Variants in IKZF3 observed in about 807,000 individuals in gnomAD.
IKZF3 encodes the protein zinc finger protein Aiolos.
A neutral mutation model predicts 49.0 loss-of-function variants in IKZF3; 10 were observed. The observed-to-expected ratio is 0.20, with a 90% CI of 0.13 to 0.35. The LOEUF (loss-of-function observed/expected upper bound fraction) is 0.35. IKZF3 is among the 10% of genes least tolerant of loss of function. The probability of loss-of-function intolerance (pLI) is 1.00; values close to 1 mark genes in which losing one functional copy is unlikely to be tolerated. For synonymous variants in IKZF3, 209 were observed against 228.2 expected (o/e 0.92, Z 0.76); for missense variants, 498 against 664.8 (o/e 0.75, Z 2.76).
intron 7 of IKZF3, among the ~76,000 whole-genome samples, chr17:39,774,726 GATGA>G (rs2060535594): frequency 6.6e-6 from 1 of 152,174 alleles, no homozygotes; most frequent in South Asian, 2.1e-4. Context: ...CCTTCTGTAT[GATGA>G]ATGAATGGAC....
At chr17:39,803,315 G>A (rs2061363306) in intron 3 of IKZF3, among the ~76,000 whole-genome samples, 1 of 151,926 alleles carries the variant, frequency 6.6e-6, no homozygotes, top group African/African-American at 2.4e-5. Flanking sequence ...AAACTCTTTT[G>A]TATTTATATT....
In IKZF3 at chr17:39,864,111, G is replaced by A. The variant is rs199528692; in HGVS notation, c.7+9C>T. On this transcript the variant is annotated intron_variant, in intron 1 of 7. Transcript: ENST00000346872. ...GACCCCGGAGAAAAGAAGCGGGCTG[G>A]AGGCTCACCTTCCATGTCGCTGCCG... The A allele has an allele frequency of 6.2e-7, 1 of 1,612,952 alleles. No homozygotes were observed.
rs1192020499 is a variant in IKZF3, at chr17:39,763,756, A to T, written c.*2034T>A. On this transcript the variant is annotated 3_prime_UTR_variant, in exon 8 of 8. Coordinates refer to ENST00000346872, the MANE Select transcript of IKZF3 (RefSeq NM_012481.5). ...TACCTTGTGGTTACTGCATAATCAC[A>T]TATGAATTAAAGCTAGAAGGGACCT... The T allele has an allele frequency of 6.6e-6, 1 of 152,256 alleles. No homozygotes were observed. The highest frequency in any genetic ancestry group is 1.5e-5 in the Non-Finnish European group (1 of 68,050). 9.4% of individuals were successfully genotyped at this position (152,256 alleles called of 1,614,324 possible).
chr17:39,861,866 T>C (rs1247890658), intron 1 of IKZF3, among the ~76,000 whole-genome samples: 1 of 152,198 alleles, frequency 6.6e-6, no homozygotes, highest in Non-Finnish European at 1.5e-5. Context: ...AACTTATCTC[T>C]TATGTACCTT....
At chr17:39,836,500 C>A (rs568143516) in intron 1 of IKZF3, among the ~76,000 whole-genome samples, 1 of 152,304 alleles carries the variant, frequency 6.6e-6, no homozygotes, top group South Asian at 2.1e-4. Flanking sequence ...AGGTATTCTG[C>A]AGTTCTCAAG....
At chr17:39,778,131 A>G (rs780472610) in intron 6 of IKZF3, 51 of 998,978 alleles carry the variant, frequency 5.1e-5, no homozygotes, top group Non-Finnish European at 6.0e-5. Flanking sequence ...ACTGCGTGTG[A>G]CACCTGCAGA....
chr17:39,826,384 G>A (rs1007883892), intron 3 of IKZF3, among the ~76,000 whole-genome samples: 1 of 152,162 alleles, frequency 6.6e-6, no homozygotes, highest in Non-Finnish European at 1.5e-5. Flanking sequence ...ATCCTGTTTG[G>A]AACACCACAA....
chr17:39,784,694 G>A (rs1013978324), intron 6 of IKZF3, among the ~76,000 whole-genome samples: 3 of 152,290 alleles, frequency 2.0e-5, no homozygotes, highest in African/African-American at 4.8e-5. Flanking sequence ...GACCCACCGC[G>A]CCCGGCCAGG....
chr17:39,828,941 C>T (rs1036957255), intron 3 of IKZF3, among the ~76,000 whole-genome samples: 1 of 151,994 alleles, frequency 6.6e-6, no homozygotes, highest in Non-Finnish European at 1.5e-5. Flanking sequence ...GCGGAGGTTG[C>T]AGTGAGCCGA....
At chr17:39,850,700 T>TATAG (rs2062825365) in intron 1 of IKZF3, among the ~76,000 whole-genome samples, 6 of 1,888 alleles carry the variant, frequency 3.2e-3, no homozygotes, top group East Asian at 0.019. Context: ...TATATATACA[T>TATAG]TATATATAAT....
chr17:39,787,773 C>T (rs771260932), intron 6 of IKZF3, among the ~76,000 whole-genome samples: 1 of 152,214 alleles, frequency 6.6e-6, no homozygotes, highest in African/African-American at 2.4e-5. Flanking sequence ...AATGATGTCA[C>T]CTCTTTGTAC....
chr17:39,840,699 T>C (rs1188494683), intron 1 of IKZF3, among the ~76,000 whole-genome samples: 1 of 152,162 alleles, frequency 6.6e-6, no homozygotes, highest in Non-Finnish European at 1.5e-5. Context: ...CAACAAAGCA[T>C]AAAGGCAGGG....
intron 6 of IKZF3, among the ~76,000 whole-genome samples, chr17:39,785,240 C>G (rs2060845952): frequency 6.6e-6 from 1 of 152,034 alleles, no homozygotes. Context: ...ATTATAGGAA[C>G]TATTTGAAAT....
intron 3 of IKZF3, among the ~76,000 whole-genome samples, chr17:39,817,770 G>C (rs1028636188): frequency 6.6e-6 from 1 of 151,976 alleles, no homozygotes; most frequent in African/African-American, 2.4e-5. Context: ...ATAAAAGCAG[G>C]GTCCTGGTAA....
intron 1 of IKZF3, among the ~76,000 whole-genome samples, chr17:39,863,323 A>G (rs1202307118): frequency 1.3e-5 from 2 of 152,174 alleles, no homozygotes; most frequent in Non-Finnish European, 2.9e-5. Context: ...GAAAATACCC[A>G]CGATCTTCAT....
In IKZF3 at chr17:39,777,758, T is replaced by C; in HGVS notation, c.719A>G (p.Glu240Gly). The change falls in exon 7 of 8, where the codon GAG (glutamate) becomes GGG (glycine). Residue 240 changes from glutamate to glycine, a missense_variant. Transcript: ENST00000346872. ...STDPGDTASAEARHIKAEMGS... is the reference protein window; with the variant it reads ...STDPGDTASAGARHIKAEMGS... The stretch of plus-strand genomic sequence containing the variant: ...CATCTCTGCTTTGATGTGTCTTGCC[T>C]CCGCACTTGCTAGTTTGGAAAAATG... The C allele has an allele frequency of 6.2e-7, 1 of 1,612,986 alleles. No homozygotes were observed. Among genetic ancestry groups the C allele is most frequent in the Non-Finnish European group, 8.5e-7 (1 of 1,179,532 alleles).
chr17:39,817,835 T>C (rs1012999628), intron 3 of IKZF3, among the ~76,000 whole-genome samples: 2 of 152,296 alleles, frequency 1.3e-5, no homozygotes, highest in African/African-American at 4.8e-5. Context: ...AATAGTACAG[T>C]AGAGTAGTCC....
chr17:39,773,302 G>C (rs1343642399), intron 7 of IKZF3, among the ~76,000 whole-genome samples: 1 of 152,166 alleles, frequency 6.6e-6, no homozygotes, highest in Non-Finnish European at 1.5e-5. Context: ...TCCTTCCATG[G>C]TAAAAGAGCC....
At position 39,825,618 on chromosome 17, in the gene IKZF3, T is replaced by C. The variant is rs147823296; in HGVS notation, c.163+3769A>G. On this transcript the variant is annotated intron_variant, in intron 3 of 7. Transcript: ENST00000346872. ...GGCTTGGTGTGTGAGAATTGGGTAA[T>C]GGCTTATGGCAAAAACCTGTGAGTA... Among the ~76,000 whole-genome samples, 290 of 152,276 alleles carry C rather than the reference T, an allele frequency of 1.9e-3. 2 individuals carry two copies. The highest frequency in any genetic ancestry group is 3.3e-3 in the East Asian group (17 of 5,188).
Sources: allele counts gnomAD v4.1 joint callset (sites outside exome capture counted in the v4.1 genomes callset), GRCh38; gene constraint gnomAD v4.1.1; transcripts MANE v1.5; gene names NCBI Gene and HGNC (gene_info 2026-07-23, HGNC 2026-07-21).